The following COBL variants were observed in gnomAD, a reference collection of about 807,000 sequenced individuals.
COBL encodes the protein cordon-bleu WH2 repeat protein.
In COBL, 51 loss-of-function variants were observed where a neutral mutation model predicts 98.8. That is an observed-to-expected ratio of 0.52 (90% CI 0.41 to 0.65). The LOEUF is 0.65. COBL is among the 30% of genes least tolerant of loss of function. COBL has a pLI of 0.00. For synonymous variants in COBL, 634 were observed against 651.7 expected, an observed-to-expected ratio of 0.97 and a Z score of 0.41; for missense variants, 1,617 against 1,617.5, an observed-to-expected ratio of 1.00 and a Z score of 0.01.
At chr7:51,272,399 G>A (rs1180656378) in intron 1 of COBL, among the ~76,000 whole-genome samples, 2 of 152,068 alleles carry the variant, frequency 1.3e-5, no homozygotes, top group East Asian at 3.9e-4. Flanking sequence ...GATTCCAAGA[G>A]GCAATCCTCA....
intron 2 of COBL, among the ~76,000 whole-genome samples, chr7:51,201,683 C>A (rs1424811858): frequency 2.0e-5 from 3 of 152,232 alleles, no homozygotes; most frequent in Non-Finnish European, 4.4e-5. Flanking sequence ...GCATGTGGAA[C>A]ATTCTTCAGG....
chr7:51,149,823 C>T (rs532292435), intron 5 of COBL, among the ~76,000 whole-genome samples: 45 of 152,254 alleles, frequency 3.0e-4, no homozygotes, highest in African/African-American at 1.1e-3. Context: ...TAAATAGCAC[C>T]TTTGTTGGCC....
At chr7:51,268,677 A>G (rs1421029399) in intron 1 of COBL, among the ~76,000 whole-genome samples, 1 of 152,002 alleles carries the variant, frequency 6.6e-6, no homozygotes, top group African/African-American at 2.4e-5. Context: ...CATGCCCATA[A>G]CCCCAGCATT....
At position 51,026,605 on chromosome 7, in the gene COBL, C is replaced by G. The variant is rs375921623; in HGVS notation, c.3445G>C (p.Glu1149Gln). 1.2e-5 allele frequency: 19 copies of G among 1,614,042 alleles called. No homozygotes were observed. The highest frequency in any genetic ancestry group is 3.3e-4 in the Middle Eastern group (2 of 6,078). The change falls in exon 11 of 13, where the codon GAA becomes CAA. Residue 1149 changes from glutamate to glutamine, a missense_variant. Physicochemically the swap from Glu to Gln is conservative, Grantham distance 29 (BLOSUM62 2). Around this residue, in one of 3 missense-constraint regions of COBL, gnomAD observed 1,304 missense variants for 1,282.0 expected, o/e 1.02. Transcript: ENST00000265136. ...AKLSYTEAEG[E>Q]RSALLAAIRG... ...ATAGCTGCCAGCAGTGCAGATCGTT[C>G]GCCCTCTGCCTCCGTGTAGGACAGT...
chr7:51,196,056 G>C (rs575604637), intron 2 of COBL, among the ~76,000 whole-genome samples: 1 of 152,190 alleles, frequency 6.6e-6, no homozygotes, highest in South Asian at 2.1e-4. Flanking sequence ...TGGTGAGAGG[G>C]GGCATCCTTG....
chr7:51,098,699 C>T (rs1795532076), intron 6 of COBL, among the ~76,000 whole-genome samples: 1 of 151,826 alleles, frequency 6.6e-6, no homozygotes. Flanking sequence ...TTCTATTTGG[C>T]AATGGTTTCT....
chr7:51,175,806 C>T lies in COBL; in HGVS notation c.783+8296G>A, dbSNP rs553329013. 2.6e-5 allele frequency among the ~76,000 whole-genome samples: 4 copies of T among 152,296 alleles called. No individual in the cohort carries two copies. In the East Asian group the frequency reaches 5.8e-4, roughly 22 times the overall value. ...ATTTAGAAAGACAAAGGTTTTCCTGCCTGCCATTCTCACCTAAAGATAGGC... is the reference window on the plus strand; with the variant it reads ...ATTTAGAAAGACAAAGGTTTTCCTGTCTGCCATTCTCACCTAAAGATAGGC... On this transcript the variant is annotated intron_variant, in intron 5 of 12. Coordinates refer to ENST00000265136, the MANE Select transcript of COBL (RefSeq NM_015198.5).
At chr7:51,316,478 A>G in intron 1 of COBL, 115 bp downstream of exon 1, 2 of 754,038 alleles carry the variant, frequency 2.7e-6, no homozygotes, top group Non-Finnish European at 3.5e-6. Context: ...CACTACCACC[A>G]GCACCCGCTG....
intron 1 of COBL, among the ~76,000 whole-genome samples, chr7:51,235,873 C>G (rs906160016): frequency 6.6e-6 from 1 of 152,192 alleles, no homozygotes; most frequent in Non-Finnish European, 1.5e-5. Flanking sequence ...CCCTCCTGCA[C>G]TCTTCCTGGG....
At chr7:51,152,813 G>A (rs1785696506) in intron 5 of COBL, among the ~76,000 whole-genome samples, 1 of 152,212 alleles carries the variant, frequency 6.6e-6, no homozygotes, top group Non-Finnish European at 1.5e-5. Context: ...TGTTGGGGCA[G>A]AGGCTGGCGA....
At position 51,193,469 on chromosome 7, in the gene COBL, A is replaced by G. The variant is rs144090646; in HGVS notation, c.366T>C (p.Thr122=). 2.6e-4 allele frequency: 423 copies of G among 1,614,204 alleles called. 1 individual carries two copies. The highest frequency in any genetic ancestry group is 2.6e-4 in the Non-Finnish European group (308 of 1,180,028). Residue 122 remains threonine, a synonymous_variant, in exon 3 of 13, where the codon ACT becomes ACC. Coordinates refer to ENST00000265136, the MANE Select transcript of COBL (RefSeq NM_015198.5). ...TATGCACATTCAGGGTCCCAATCAA[A>G]GTATTTGGCTTAAAACTCAAAGGTT... The part of the protein sequence containing the change: ...TQQPLSFKPN[T]LIGTLNVHTV...
At chr7:51,261,648 A>G (rs982150323) in intron 1 of COBL, among the ~76,000 whole-genome samples, 5 of 152,150 alleles carry the variant, frequency 3.3e-5, no homozygotes, top group Non-Finnish European at 7.3e-5. Flanking sequence ...GCCCAGTTGT[A>G]CAGGCCCTGG....
chr7:51,040,192 T>TAAAAAAA, intron 8 of COBL, among the ~76,000 whole-genome samples: 1 of 139,168 alleles, frequency 7.2e-6, no homozygotes. Flanking sequence ...TAATTTCTGT[T>TAAAAAAA]AAAAAAAAAA....
At chr7:51,267,851 G>A (rs1798366934) in intron 1 of COBL, among the ~76,000 whole-genome samples, 1 of 152,166 alleles carries the variant, frequency 6.6e-6, no homozygotes. Context: ...TGGGATTACA[G>A]GTGTGAGCCA....
At chr7:51,222,965 C>T (rs752592244) in intron 1 of COBL, among the ~76,000 whole-genome samples, 14 of 152,218 alleles carry the variant, frequency 9.2e-5, no homozygotes, top group Non-Finnish European at 1.8e-4. Flanking sequence ...TCCACCCTCC[C>T]TCCCCACGTC....
chr7:51,027,031 C>T (rs564561726), intron 10 of COBL, among the ~76,000 whole-genome samples: 2 of 152,346 alleles, frequency 1.3e-5, no homozygotes, highest in African/African-American at 4.8e-5. Context: ...TGGCAGACCA[C>T]TCCTGCTATT....
At chr7:51,180,251 CTTAGAA>C (rs536808753) in intron 5 of COBL, among the ~76,000 whole-genome samples, 7 of 152,314 alleles carry the variant, frequency 4.6e-5, no homozygotes, top group Non-Finnish European at 7.3e-5. Flanking sequence ...AGCCAGTGGA[CTTAGAA>C]AATGGCTGGC....
At chr7:51,147,470 C>CT (rs1785136370) in intron 5 of COBL, among the ~76,000 whole-genome samples, 1 of 152,176 alleles carries the variant, frequency 6.6e-6, no homozygotes, top group Middle Eastern at 3.2e-3. Flanking sequence ...ACGCGTTCAC[C>CT]TTACTGCTGT....
chr7:51,276,141 C>T (rs62448329), intron 1 of COBL, among the ~76,000 whole-genome samples: 1,771 of 152,292 alleles, frequency 0.012, 24 homozygotes, highest in Non-Finnish European at 0.018. Flanking sequence ...CACAGGAATT[C>T]TAAGGAGCCC....
Sources: allele counts gnomAD v4.1 joint callset (sites outside exome capture counted in the v4.1 genomes callset), GRCh38; gene constraint gnomAD v4.1.1; regional missense constraint gnomAD v4.1.1; transcripts MANE v1.5; gene names NCBI Gene and HGNC (gene_info 2026-07-23, HGNC 2026-07-21).